The following GOLGA3 variants were observed in gnomAD, a reference collection of about 807,000 sequenced individuals.
The protein encoded by GOLGA3 is golgin subfamily A member 3.
GOLGA3 carries 75 observed loss-of-function variants against 169.4 expected under a neutral mutation model. The observed-to-expected ratio is 0.44, with a 90% CI of 0.37 to 0.54. The LOEUF (loss-of-function observed/expected upper bound fraction) is 0.54, where lower values mean the gene tolerates loss of function less well. Ranked by LOEUF, GOLGA3 falls within the 20% of genes least tolerant of loss-of-function variation. The pLI is 0.00. For missense variants in GOLGA3, 1,899 were observed against 1,930.0 expected, an observed-to-expected ratio of 0.98 and a Z score of 0.30; for synonymous variants, 824 against 822.4, an observed-to-expected ratio of 1.00 and a Z score of -0.03.
At position 132,813,357 on chromosome 12, in the gene GOLGA3, A is replaced by T. The variant is rs769984999; in HGVS notation, c.469T>A (p.Trp157Arg). Reference protein sequence around the residue: ...EEQVRLQARKWLEEQLKQYRV... With the variant: ...EEQVRLQARKRLEEQLKQYRV... ...TACTGTTTGAGCTGCTCTTCCAGCCACTTCCGAGCCTGAAGTCGGACCTGC... is the reference window on the plus strand; with the variant it reads ...TACTGTTTGAGCTGCTCTTCCAGCCTCTTCCGAGCCTGAAGTCGGACCTGC... The change falls in exon 4 of 24, where the codon TGG becomes AGG. Residue 157 changes from tryptophan (W) to arginine (R), a missense_variant. By Grantham distance (101) the Trp-to-Arg change is moderately radical. Transcript: ENST00000450791. The T allele has an allele frequency of 1.2e-6, 2 of 1,613,442 alleles. No homozygotes were observed. Among genetic ancestry groups the T allele is most frequent in the Non-Finnish European group, 1.7e-6 (2 of 1,179,706 alleles).
chr12:132,789,065 C>A lies in GOLGA3; in HGVS notation c.2773G>T (p.Ala925Ser). 6.2e-7 allele frequency: 1 copy of A among 1,602,464 alleles called. No individual in the cohort carries two copies. Among genetic ancestry groups the A allele is most frequent in the Non-Finnish European group, 8.5e-7 (1 of 1,173,106 alleles). The stretch of plus-strand genomic sequence containing the variant: ...TCCATCTCGTCTCGCTCCTTCTGCG[C>A]CGACTGGAGATGCCCTTCAAGGTCC... ...MADLEGHLQS[A>S]QKERDEMETH... is the part of the protein sequence containing the mutation. Residue 925 changes from alanine (A) to serine (S), a missense_variant, in exon 13 of 24, where the codon GCG (alanine) becomes TCG (serine). By Grantham distance (99) the Ala-to-Ser change is moderately conservative (BLOSUM62 1). Coordinates refer to ENST00000450791, the MANE Select transcript of GOLGA3 (RefSeq NM_001389683.1).
In GOLGA3 at chr12:132,807,161, G is replaced by A. The variant is rs1179507428; in HGVS notation, c.1290+16C>T. On this transcript the variant is annotated intron_variant, in intron 6 of 23. Transcript: ENST00000450791. ...GACTTCGCCGCACGCTGAGATGTCAGTCGAACGTCCGTTACCTGACTCGCC... is the reference window on the plus strand; with the variant it reads ...GACTTCGCCGCACGCTGAGATGTCAATCGAACGTCCGTTACCTGACTCGCC... The A allele has an allele frequency of 2.0e-6, 3 of 1,515,762 alleles. No homozygotes were observed. The highest frequency in any genetic ancestry group is 2.3e-5 in the South Asian group (2 of 85,722). The allele number at this position is 1,515,762 out of a possible 1,614,324, so 93.9% of individuals were successfully genotyped here.
Position 132,795,904 on chromosome 12 carries a change from G to T in GOLGA3, c.2417C>A (p.Thr806Lys), listed in dbSNP as rs755289303. The change falls in exon 11 of 24, where the codon ACG becomes AAG. Residue 806 changes from threonine (T) to lysine (K), a missense_variant. Transcript: ENST00000450791. ...TCTTAACTTCTCTAAAGTTTCCGAC[G>T]TTTCCTCGGTACCTTCTTCCAAGCG... is the stretch of plus-strand genomic sequence containing the variant. Reference protein sequence around the residue: ...ARRLEEGTEETSETLEKLREE... With the variant: ...ARRLEEGTEEKSETLEKLREE... The T allele has an allele frequency of 4.3e-6, 7 of 1,613,968 alleles. No homozygotes were observed. Among genetic ancestry groups the T allele is most frequent in the Non-Finnish European group, 3.4e-6 (4 of 1,179,994 alleles).
At position 132,807,897 on chromosome 12, in the gene GOLGA3, C is replaced by T. The variant is rs754553888; in HGVS notation, c.1172G>A (p.Cys391Tyr). 2.0e-6 allele frequency: 3 copies of T among 1,533,828 alleles called. No homozygotes were observed. The East Asian group carries it at 7.7e-5, about 40-fold the overall frequency. The change falls in exon 5 of 24, where the codon TGC (cysteine) becomes TAC (tyrosine). Residue 391 changes from cysteine to tyrosine, a missense_variant. Physicochemically the swap from Cys to Tyr is radical, Grantham distance 194. Transcript: ENST00000450791. ...GEVRSRRDSICSSVSLESSAA... is the reference protein window; with the variant it reads ...GEVRSRRDSIYSSVSLESSAA... ...CCTCTGCTGTCCCCACCACCTGCTG[C>T]AGATGCTGTCTCTCCGACTCCGCAC...
At position 132,784,314 on chromosome 12, in the gene GOLGA3, G is replaced by A; in HGVS notation, c.3124-7C>T. ...CCAGGGCCTGGATCCTTTCCTAAGG[G>A]CCAAGATGGAACGGGCGCTTGGTCA... On this transcript the variant is annotated splice_region_variant and splice_polypyrimidine_tract_variant and intron_variant, in intron 15 of 23. Coordinates refer to ENST00000450791, the MANE Select transcript of GOLGA3 (RefSeq NM_001389683.1). 1 of 1,602,586 alleles carries A rather than the reference G, an allele frequency of 6.2e-7. No homozygotes were observed. Among genetic ancestry groups the A allele is most frequent in the Non-Finnish European group, 8.5e-7 (1 of 1,177,360 alleles).
rs753354307 is a variant in GOLGA3 at position 132,813,307 on chromosome 12, C to A, written c.519G>T (p.Arg173Ser). The change falls in exon 4 of 24, where the codon AGG (arginine) becomes AGT (serine). Residue 173 changes from arginine (R) to serine (S), a missense_variant and splice_region_variant. Transcript: ENST00000450791. ...GCTTGTTCGGGAGAGGGAGACTCAC[C>A]CTCTCCTGCTGGCGCTTCACCCTGT... ...KQYRVKRQQERSSQPATKTRL... is the reference protein window; with the variant it reads ...KQYRVKRQQESSSQPATKTRL... The A allele has an allele frequency of 1.1e-5, 18 of 1,595,526 alleles. No individual in the cohort carries two copies. The Admixed American group carries it at 3.0e-4, about 27-fold the overall frequency.
rs1593227752 is a variant in GOLGA3, at chr12:132,777,185, C to T, written c.3723-95G>A. On this transcript the variant is annotated intron_variant, in intron 19 of 23. Coordinates refer to ENST00000450791, the MANE Select transcript of GOLGA3 (RefSeq NM_001389683.1). This position sits in a 1 kb window ranked among gnomAD's most constrained non-coding sequence, Gnocchi z 4.7. ...AATGCTGCCTGTGGAAGGCGTTCGTCCTGGCAGGCCCTCTGCTGTGCACTG... is the reference window on the plus strand; with the variant it reads ...AATGCTGCCTGTGGAAGGCGTTCGTTCTGGCAGGCCCTCTGCTGTGCACTG... 1 of 1,342,804 alleles carries T rather than the reference C, an allele frequency of 7.4e-7. No individual in the cohort carries two copies. Among genetic ancestry groups the T allele is most frequent in the East Asian group, 2.3e-5 (1 of 43,058 alleles). The allele number at this position is 1,342,804 out of a possible 1,614,324, so 83.2% of individuals were successfully genotyped here.
At position 132,777,139 on chromosome 12, in the gene GOLGA3, T is replaced by G; in HGVS notation, c.3723-49A>C. 1 of 1,537,418 alleles carries G rather than the reference T, an allele frequency of 6.5e-7. No homozygotes were observed. Among genetic ancestry groups the G allele is most frequent in the South Asian group, 1.3e-5 (1 of 78,488 alleles). On this transcript the variant is annotated intron_variant, in intron 19 of 23. Coordinates refer to ENST00000450791, the MANE Select transcript of GOLGA3 (RefSeq NM_001389683.1). The surrounding 1 kb of genome is among the most constrained non-coding windows in gnomAD (Gnocchi z 4.7). ...AGGGAATCGCCACGCTCCTCCAGTGTGCTGTGCCCTCCCGCTGGGAAATGC... is the reference window on the plus strand; with the variant it reads ...AGGGAATCGCCACGCTCCTCCAGTGGGCTGTGCCCTCCCGCTGGGAAATGC...
chr12:132,803,657 C>G (rs1949241296), intron 7 of GOLGA3, among the ~76,000 whole-genome samples: 1 of 149,750 alleles, frequency 6.7e-6, no homozygotes, highest in African/African-American at 2.4e-5. Context: ...AAGAGTACTA[C>G]TGTCTCTCGG....
At chr12:132,789,933 T>C (rs2046134772) in intron 12 of GOLGA3, among the ~76,000 whole-genome samples, 1 of 151,998 alleles carries the variant, frequency 6.6e-6, no homozygotes, top group African/African-American at 2.4e-5. Context: ...CTCACGAGGC[T>C]GAGGCATGAG....
intron 2 of GOLGA3, 114 bp from the exon 3 acceptor site, chr12:132,816,926 T>A: frequency 1.0e-6 from 1 of 960,492 alleles, no homozygotes; most frequent in Non-Finnish European, 1.5e-6. Flanking sequence ...AGCACGGCAC[T>A]TTCTCATCCC....
rs1035073128 is a variant in GOLGA3, at chr12:132,822,738, T to C, written c.-183-427A>G. Among the ~76,000 whole-genome samples, 16 of 152,210 alleles carry C rather than the reference T, an allele frequency of 1.1e-4. No homozygotes were observed. In the East Asian group the frequency reaches 2.5e-3, roughly 24 times the overall value. On this transcript the variant is annotated intron_variant, in intron 1 of 23. Transcript: ENST00000450791. Reference sequence around the variant, plus strand: ...GAGTTCAAGACCAGCCTGGCCAACATGGTGAAACCCCCACCTCTACTAAAA... The same window carrying C: ...GAGTTCAAGACCAGCCTGGCCAACACGGTGAAACCCCCACCTCTACTAAAA...
At chr12:132,780,637 G>A (rs1376787176) in intron 18 of GOLGA3, among the ~76,000 whole-genome samples, 161 bp downstream of exon 18, 1 of 152,222 alleles carries the variant, frequency 6.6e-6, no homozygotes, top group Middle Eastern at 3.2e-3. Context: ...ACCTTCTACG[G>A]ACCAGAGCAG....
chr12:132,779,139 G>T (rs2045408704), intron 18 of GOLGA3, among the ~76,000 whole-genome samples: 1 of 152,102 alleles, frequency 6.6e-6, no homozygotes, highest in Non-Finnish European at 1.5e-5. Context: ...GGAGTGCAAT[G>T]GTGTGATCTT....
Position 132,807,306 on chromosome 12 carries a change from G to A in GOLGA3, c.1179-18C>T, listed in dbSNP as rs1949455197. On this transcript the variant is annotated intron_variant, in intron 5 of 23. Transcript: ENST00000450791. The stretch of plus-strand genomic sequence containing the variant: ...AGGACACGCTGGGGACAAAGGCACG[G>A]GTCAGGCCTGTGCGAGCCATCCTCA... The A allele has an allele frequency of 7.1e-7, 1 of 1,414,986 alleles. No homozygotes were observed. Among genetic ancestry groups the A allele is most frequent in the Non-Finnish European group, 9.7e-7 (1 of 1,026,730 alleles). 87.7% of individuals were successfully genotyped at this position (1,414,986 alleles called of 1,614,324 possible). A position where few individuals can be genotyped will look rare whatever the true frequency, so the allele number is the denominator to read the frequency against.
At position 132,786,491 on chromosome 12, in the gene GOLGA3, C is replaced by G; in HGVS notation, c.2971G>C (p.Glu991Gln). ...LGSDLTSAQK[E>Q]MKTKHKAYEN... ...TAGGCCTTATGTTTGGTCTTCATCT[C>G]CTTCTGGGCGCTGGTCAAGTCTGAG... The change falls in exon 15 of 24, where the codon GAG becomes CAG. Residue 991 changes from glutamate (E) to glutamine (Q), a missense_variant. Glu to Gln is a conservative substitution (Grantham distance 29, BLOSUM62 2). Transcript: ENST00000450791. 1 of 1,613,788 alleles carries G rather than the reference C, an allele frequency of 6.2e-7. No individual in the cohort carries two copies. The highest frequency in any genetic ancestry group is 2.2e-5 in the East Asian group (1 of 44,852).
At chr12:132,812,272 A>G (rs1056468801) in intron 4 of GOLGA3, among the ~76,000 whole-genome samples, 5 of 151,756 alleles carry the variant, frequency 3.3e-5, no homozygotes, top group African/African-American at 9.7e-5. Flanking sequence ...ATCACCTAAG[A>G]GCTCTGATGG....
chr12:132,784,076 T>C, intron 16 of GOLGA3, 88 bp downstream of exon 16: 2 of 1,580,542 alleles, frequency 1.3e-6, no homozygotes, highest in Non-Finnish European at 1.7e-6. Flanking sequence ...CGGTGAAGTT[T>C]TGTTCTTCGG....
intron 1 of GOLGA3, chr12:132,826,177 G>C: frequency 6.3e-7 from 1 of 1,583,252 alleles, no homozygotes; most frequent in Non-Finnish European, 8.6e-7. Context: ...AGCAGTTCCA[G>C]AAGTTCTGAG....
Sources: gnomAD v4.1 joint callset for allele counts (sites outside exome capture counted in the v4.1 genomes callset) on GRCh38, gnomAD v4.1.1 for gene constraint, Gnocchi (gnomAD v3.1) non-coding constraint, MANE v1.5 for transcripts, NCBI Gene and HGNC (gene_info 2026-07-23, HGNC 2026-07-21) for gene names.